The following RGS22 variants were observed in gnomAD, a reference collection of about 807,000 sequenced individuals.
RGS22 encodes regulator of G protein signaling 22.
RGS22 carries 148 observed loss-of-function variants against 172.9 expected under a neutral mutation model. The observed-to-expected ratio is 0.86, with a 90% CI of 0.75 to 0.98. RGS22 has a LOEUF of 0.98. Ranked by LOEUF, RGS22 falls within the 50% of genes least tolerant of loss-of-function variation. The pLI is 0.00. For synonymous variants in RGS22, 458 were observed against 480.2 expected (o/e 0.95, Z 0.60); for missense variants, 1,347 against 1,440.8 (o/e 0.93, Z 1.05).
chr8:99,987,499 C>G lies in RGS22; in HGVS notation c.3139G>C (p.Glu1047Gln), dbSNP rs776254718. 2 of 1,611,290 alleles carry G rather than the reference C, an allele frequency of 1.2e-6. No homozygotes were observed. The highest frequency in any genetic ancestry group is 2.2e-5 in the South Asian group (2 of 90,742). ...TCTTGCCAAAAGAGTAAACCATTTT[C>G]CAATAAATCTCCTTTTAGAGCCACA... ...RFVALKGDLLENGLLFWQEVQ... is the reference protein window; with the variant it reads ...RFVALKGDLLQNGLLFWQEVQ... Residue 1047 changes from glutamate (E) to glutamine (Q), a missense_variant, in exon 21 of 28, where the codon GAA (glutamate) becomes CAA (glutamine). Glu to Gln is a conservative substitution (Grantham distance 29). Coordinates refer to ENST00000360863, the MANE Select transcript of RGS22 (RefSeq NM_015668.5).
chr8:100,047,030 G>A (rs1476267961), intron 11 of RGS22, among the ~76,000 whole-genome samples: 1 of 151,972 alleles, frequency 6.6e-6, no homozygotes, highest in Admixed American at 6.6e-5. Context: ...TACCTAGGCT[G>A]GTCTCAAGCT....
In RGS22 at chr8:100,063,982, G is replaced by A. The variant is rs139754977; in HGVS notation, c.786C>T (p.Asn262=). The A allele has an allele frequency of 6.4e-7, 1 of 1,566,170 alleles. No individual in the cohort carries two copies. The highest frequency in any genetic ancestry group is 1.4e-5 in the African/African-American group (1 of 72,758). Residue 262 remains asparagine (N), a synonymous_variant, in exon 8 of 28, where the codon AAC becomes AAT. Coordinates refer to ENST00000360863, the MANE Select transcript of RGS22 (RefSeq NM_015668.5). ...CTTCTTCAAATTCAGAAATCAATTT[G>A]TTGGTTTTAGATGGGTCCTTTTTTG... is the stretch of plus-strand genomic sequence containing the variant. ...PRTKKDPSKT[N]KLISEFEEEE...
At chr8:100,066,859 T>C (rs1810568841) in intron 6 of RGS22, among the ~76,000 whole-genome samples, 1 of 152,166 alleles carries the variant, frequency 6.6e-6, no homozygotes, top group Non-Finnish European at 1.5e-5. Flanking sequence ...TGCAGACTGA[T>C]TCCTGACTCC....
Position 100,041,798 on chromosome 8 carries a change from T to C in RGS22, c.1938+4A>G, listed in dbSNP as rs1229493908. 6.5e-7 allele frequency: 1 copy of C among 1,535,486 alleles called. No homozygotes were observed. On this transcript the variant is annotated splice_donor_region_variant and intron_variant, in intron 12 of 27. Coordinates refer to ENST00000360863, the MANE Select transcript of RGS22 (RefSeq NM_015668.5). ...CAGGTTTATTCAGTCCTCAAAACAC[T>C]CACCCTAGGTTCTTCTGTATAAGCG...
chr8:99,973,973 C>T (rs972680321), intron 23 of RGS22, among the ~76,000 whole-genome samples: 23 of 151,640 alleles, frequency 1.5e-4, no homozygotes, highest in African/African-American at 4.4e-4. Context: ...CCGCACGTTA[C>T]GCACATGTAT....
At chr8:100,092,538 T>C (rs1438813742) in intron 3 of RGS22, among the ~76,000 whole-genome samples, 1 of 152,170 alleles carries the variant, frequency 6.6e-6, no homozygotes, top group Non-Finnish European at 1.5e-5. Flanking sequence ...ATAAAACTTG[T>C]TTAAAGTTTG....
chr8:100,056,317 T>C (rs1298303255), intron 9 of RGS22, among the ~76,000 whole-genome samples: 1 of 152,204 alleles, frequency 6.6e-6, no homozygotes, highest in Non-Finnish European at 1.5e-5. Flanking sequence ...ATTTGCAGCC[T>C]GATGATGCGA....
At position 100,040,055 on chromosome 8, in the gene RGS22, TC is replaced by T. The variant is rs1819940722; in HGVS notation, c.1970del (p.Gly657GlufsTer14). The T allele has an allele frequency of 6.2e-7, 1 of 1,610,414 alleles. No individual in the cohort carries two copies. Among genetic ancestry groups the T allele is most frequent in the African/African-American group, 1.3e-5 (1 of 74,844 alleles). On this transcript the variant is annotated frameshift_variant, in exon 13 of 28. Coordinates refer to ENST00000360863, the MANE Select transcript of RGS22 (RefSeq NM_015668.5). LOFTEE classifies it high-confidence loss of function. ...VKTVSDVGAL[G>X]GSDMENLLQS... ...GCAACAAATTTTCCATGTCAGATCC[TC>T]CCAAGGCACCAACATCTGACACGGT...
intron 2 of RGS22, among the ~76,000 whole-genome samples, chr8:100,103,018 C>T (rs1045325723): frequency 3.3e-5 from 5 of 152,112 alleles, no homozygotes; most frequent in Non-Finnish European, 7.4e-5. Flanking sequence ...TGTTTTGAGA[C>T]TAAATACTAG....
chr8:100,056,743 G>A (rs1357842114), intron 9 of RGS22, among the ~76,000 whole-genome samples: 6 of 152,308 alleles, frequency 3.9e-5, no homozygotes, highest in Admixed American at 1.3e-4. Context: ...GAGTATGTAC[G>A]GAAACTCCTG....
At position 100,066,207 on chromosome 8, in the gene RGS22, G is replaced by A. The variant is rs555231791; in HGVS notation, c.684C>T (p.Pro228=). The A allele has an allele frequency of 6.2e-7, 1 of 1,612,358 alleles. No homozygotes were observed. Among genetic ancestry groups the A allele is most frequent in the East Asian group, 2.2e-5 (1 of 44,800 alleles). The change falls in exon 7 of 28, where the codon CCC becomes CCT. Residue 228 remains proline (P), a synonymous_variant. Coordinates refer to ENST00000360863, the MANE Select transcript of RGS22 (RefSeq NM_015668.5). ...VSTFSLPCCV[P]YNKLKSPAIS... ...TAGCTGGTGATTTAAGTTTGTTGTAGGGTACACAACAGGGTAACGAAAAGG... is the reference window on the plus strand; with the variant it reads ...TAGCTGGTGATTTAAGTTTGTTGTAAGGTACACAACAGGGTAACGAAAAGG...
At chr8:100,079,124 A>G (rs1350512266) in intron 4 of RGS22, among the ~76,000 whole-genome samples, 1 of 152,264 alleles carries the variant, frequency 6.6e-6, no homozygotes, top group Admixed American at 6.5e-5. Flanking sequence ...AATAGGCTAT[A>G]AAGACCTCCA....
At chr8:100,029,702 C>CAAAAAAAAAAAAAAAAAAAA (rs369058108) in intron 14 of RGS22, among the ~76,000 whole-genome samples, 1 of 62,016 alleles carries the variant, frequency 1.6e-5, no homozygotes, top group African/African-American at 5.3e-5. Context: ...AACTCCGTCT[C>CAAAAAAAAAAAAAAAAAAAA]AAAAAAAAAA....
In RGS22 at chr8:100,012,593, G is replaced by A. The variant is rs142953755; in HGVS notation, c.2167-4024C>T. Reference sequence around the variant, plus strand: ...GTGAGGAGAGAGACAAAGAGGGAGAGACAGTGAGAGAGAGAGAAAGAAAAG... The same window carrying A: ...GTGAGGAGAGAGACAAAGAGGGAGAAACAGTGAGAGAGAGAGAAAGAAAAG... On this transcript the variant is annotated intron_variant, in intron 14 of 27. Transcript: ENST00000360863. Among the ~76,000 whole-genome samples, 838 of 151,852 alleles carry A rather than the reference G, an allele frequency of 5.5e-3. 8 individuals are homozygous for A. The highest frequency in any genetic ancestry group is 0.019 in the African/African-American group (769 of 41,408).
chr8:100,044,836 G>A (rs938491132), intron 11 of RGS22, among the ~76,000 whole-genome samples: 1 of 151,754 alleles, frequency 6.6e-6, no homozygotes, highest in African/African-American at 2.4e-5. Flanking sequence ...TCTCTCCTGG[G>A]CTCCAAACCT....
chr8:100,071,362 C>T lies in RGS22; in HGVS notation c.594+7G>A. The T allele has an allele frequency of 1.3e-6, 2 of 1,597,298 alleles. No individual in the cohort carries two copies. The highest frequency in any genetic ancestry group is 1.7e-6 in the Non-Finnish European group (2 of 1,173,240). ...GCTAAGTCATGAAAAAATGCTCATACTTTTACCTCACCAAGTGATACATAG... is the reference window on the plus strand; with the variant it reads ...GCTAAGTCATGAAAAAATGCTCATATTTTTACCTCACCAAGTGATACATAG... On this transcript the variant is annotated splice_region_variant and intron_variant, in intron 6 of 27. Coordinates refer to ENST00000360863, the MANE Select transcript of RGS22 (RefSeq NM_015668.5).
At chr8:100,045,097 A>C (rs2926764) in intron 11 of RGS22, among the ~76,000 whole-genome samples, 88,075 of 150,616 alleles carry the variant, frequency 0.58, 25,852 homozygotes, top group Admixed American at 0.64. Context: ...GGCAACATTG[A>C]GAGAACCCAT....
chr8:100,044,102 TA>T (rs374673331), intron 11 of RGS22, among the ~76,000 whole-genome samples: 42 of 152,206 alleles, frequency 2.8e-4, no homozygotes, highest in African/African-American at 8.2e-4. Context: ...CCCACACAAA[TA>T]AAAGGCCTGG....
intron 4 of RGS22, 47 bp downstream of exon 4, chr8:100,080,087 C>T (rs1438423631): frequency 1.5e-6 from 2 of 1,339,066 alleles, no homozygotes; most frequent in Non-Finnish European, 2.1e-6. Flanking sequence ...GTTAATTTCA[C>T]CAAATGCTTT....
Sources: allele counts gnomAD v4.1 joint callset (sites outside exome capture counted in the v4.1 genomes callset), GRCh38; gene constraint gnomAD v4.1.1; transcripts MANE v1.5; gene names NCBI Gene and HGNC (gene_info 2026-07-23, HGNC 2026-07-21).